Variants in PLCB1 observed in about 807,000 individuals in gnomAD.
PLCB1 encodes the protein 1-phosphatidylinositol 4,5-bisphosphate phosphodiesterase beta-1.
In PLCB1, 46 loss-of-function variants were observed where a neutral mutation model predicts 161.8. The ratio of observed to expected loss-of-function variants is 0.28; its 90% CI spans 0.22 to 0.36. PLCB1 has a LOEUF of 0.36. Ranked by LOEUF, PLCB1 falls within the 10% of genes least tolerant of loss-of-function variation. The pLI is 1.00. For missense variants in PLCB1, 1,016 were observed against 1,472.5 expected, an observed-to-expected ratio of 0.69 and a Z score of 5.07; for synonymous variants, 517 against 503.7, an observed-to-expected ratio of 1.03 and a Z score of -0.35.
At chr20:8,417,075 T>TATA (rs1568668019) in intron 3 of PLCB1, among the ~76,000 whole-genome samples, 5 of 30,470 alleles carry the variant, frequency 1.6e-4, no homozygotes, top group African/African-American at 1.1e-3. Context: ...ATATATATAT[T>TATA]TTTTTTTTTT....
chr20:8,875,499 T>C (rs1600108924), intron 31 of PLCB1, among the ~76,000 whole-genome samples: 1 of 66,068 alleles, frequency 1.5e-5, no homozygotes, highest in Non-Finnish European at 3.2e-5. Flanking sequence ...TTATATAACA[T>C]ATAAAATATT....
At chr20:8,676,801 A>G (rs537556576) in intron 9 of PLCB1, among the ~76,000 whole-genome samples, 1 of 152,344 alleles carries the variant, frequency 6.6e-6, no homozygotes, top group African/African-American at 2.4e-5. Context: ...ATATGAGGAA[A>G]ACTTCCTTAA....
intron 2 of PLCB1, among the ~76,000 whole-genome samples, chr20:8,229,723 A>G (rs1979902842): frequency 1.3e-5 from 2 of 151,612 alleles, no homozygotes; most frequent in African/African-American, 4.8e-5. Flanking sequence ...AGAGCTTGCT[A>G]GAAATGAAGA....
At chr20:8,679,175 T>C (rs992525449) in intron 9 of PLCB1, among the ~76,000 whole-genome samples, 2 of 152,214 alleles carry the variant, frequency 1.3e-5, no homozygotes, top group Non-Finnish European at 2.9e-5. Context: ...CAAAACATTT[T>C]GCTGTTGCTG....
At chr20:8,392,445 C>T (rs1246729263) in intron 3 of PLCB1, among the ~76,000 whole-genome samples, 1 of 152,138 alleles carries the variant, frequency 6.6e-6, no homozygotes, top group African/African-American at 2.4e-5. Flanking sequence ...TAGTAGCACA[C>T]ATAGACTAAG....
intron 2 of PLCB1, among the ~76,000 whole-genome samples, chr20:8,205,210 A>G (rs1232552601): frequency 2.6e-5 from 4 of 152,190 alleles, no homozygotes; most frequent in Admixed American, 2.0e-4. Flanking sequence ...AAACAGAACA[A>G]TATGAGTTTT....
At chr20:8,423,837 A>C (rs1979637316) in intron 3 of PLCB1, among the ~76,000 whole-genome samples, 1 of 152,202 alleles carries the variant, frequency 6.6e-6, no homozygotes, top group Middle Eastern at 3.2e-3. Flanking sequence ...TTCATGAGGC[A>C]GGGTCCTAAT....
intron 16 of PLCB1, 69 bp downstream of exon 16, chr20:8,724,821 G>T: frequency 1.2e-6 from 1 of 850,816 alleles, no homozygotes; most frequent in Admixed American, 2.1e-5. Flanking sequence ...CGGAGTAATG[G>T]GACCAAAGAA....
chr20:8,802,270 C>T, intron 31 of PLCB1: 1 of 644,874 alleles, frequency 1.6e-6, no homozygotes, highest in South Asian at 1.9e-5. Flanking sequence ...CCTTCATCCT[C>T]CCTTTCTCTA....
At chr20:8,340,217 C>A (rs1985748467) in intron 2 of PLCB1, among the ~76,000 whole-genome samples, 1 of 152,134 alleles carries the variant, frequency 6.6e-6, no homozygotes, top group South Asian at 2.1e-4. Context: ...ATCCTCAAAC[C>A]GTTACTCTGA....
At chr20:8,264,237 A>G (rs2743169) in intron 2 of PLCB1, among the ~76,000 whole-genome samples, 17,771 of 152,078 alleles carry the variant, frequency 0.12, 1,312 homozygotes, top group African/African-American at 0.2. Context: ...CAATATCACT[A>G]TCTTCCACTT....
At chr20:8,864,610 A>G (rs1987364318) in intron 31 of PLCB1, among the ~76,000 whole-genome samples, 1 of 152,226 alleles carries the variant, frequency 6.6e-6, no homozygotes, top group African/African-American at 2.4e-5. Context: ...ATGTAAATAG[A>G]GAATGAGCCA....
intron 2 of PLCB1, among the ~76,000 whole-genome samples, chr20:8,164,044 T>A (rs1256854431): frequency 6.6e-6 from 1 of 152,182 alleles, no homozygotes; most frequent in Non-Finnish European, 1.5e-5. Context: ...GCAATTATGC[T>A]CCAATCCCAA....
chr20:8,509,627 A>C (rs1173048727), intron 3 of PLCB1, among the ~76,000 whole-genome samples: 1 of 152,154 alleles, frequency 6.6e-6, no homozygotes, highest in Non-Finnish European at 1.5e-5. Context: ...AGCAATTTAA[A>C]ATGTGAAAAA....
intron 9 of PLCB1, among the ~76,000 whole-genome samples, chr20:8,663,032 G>A (rs2123339420): frequency 6.6e-6 from 1 of 152,086 alleles, no homozygotes; most frequent in South Asian, 2.1e-4. Context: ...GATGTGCCCA[G>A]GTGTTAGTTA....
chr20:8,304,932 A>G (rs748765849), intron 2 of PLCB1, among the ~76,000 whole-genome samples: 3 of 152,188 alleles, frequency 2.0e-5, no homozygotes, highest in Non-Finnish European at 4.4e-5. Flanking sequence ...TATTTCAGCC[A>G]TACCTGTCCT....
At chr20:8,439,832 G>A (rs765510824) in intron 3 of PLCB1, among the ~76,000 whole-genome samples, 30 of 151,164 alleles carry the variant, frequency 2.0e-4, no homozygotes, top group Non-Finnish European at 3.5e-4. Flanking sequence ...GCCTTGTACC[G>A]TGCACCAAAG....
intron 3 of PLCB1, among the ~76,000 whole-genome samples, chr20:8,415,399 T>A (rs190195729): frequency 6.6e-5 from 10 of 152,370 alleles, no homozygotes; most frequent in Admixed American, 4.6e-4. Flanking sequence ...TAGAAAATGA[T>A]GTTGACAATT....
chr20:8,350,763 A>G lies in PLCB1; in HGVS notation c.178-20619A>G, dbSNP rs981718992. 1.3e-5 allele frequency among the ~76,000 whole-genome samples: 2 copies of G among 152,196 alleles called. 1 individual carries two copies. Among genetic ancestry groups the G allele is most frequent in the Middle Eastern group, 6.3e-3 (2 of 316 alleles). ...AAAAATTACTGTTAAAAATATCACC[A>G]AAAAATGAAATACTTAGGGGTAAAT... is the stretch of plus-strand genomic sequence containing the variant. On this transcript the variant is annotated intron_variant, in intron 2 of 31. Coordinates refer to ENST00000338037, the MANE Select transcript of PLCB1 (RefSeq NM_015192.4).
Sources: allele counts gnomAD v4.1 joint callset (sites outside exome capture counted in the v4.1 genomes callset), GRCh38; gene constraint gnomAD v4.1.1; transcripts MANE v1.5; gene names NCBI Gene and HGNC (gene_info 2026-07-23, HGNC 2026-07-21).